Variants in ANKRD12 observed in about 807,000 individuals in gnomAD.
ANKRD12 encodes the protein ankyrin repeat domain-containing protein 12.
A neutral mutation model predicts 183.4 loss-of-function variants in ANKRD12; 85 were observed. The ratio of observed to expected loss-of-function variants is 0.46; its 90% CI spans 0.39 to 0.56. The LOEUF is 0.56. Among genes scored for constraint, ANKRD12 ranks in the 20% least tolerant of loss-of-function variants. The pLI, the probability that ANKRD12 is intolerant of heterozygous loss-of-function variation, is 0.00. For synonymous variants in ANKRD12, 914 were observed against 800.2 expected, an observed-to-expected ratio of 1.14 and a Z score of -2.40; for missense variants, 2,405 against 2,357.1, an observed-to-expected ratio of 1.02 and a Z score of -0.42.
intron 1 of ANKRD12, among the ~76,000 whole-genome samples, chr18:9,162,710 C>T (rs531324322): frequency 6.6e-6 from 1 of 152,254 alleles, no homozygotes; most frequent in South Asian, 2.1e-4. Context: ...ACCTCGCCAG[C>T]GTCTGTTTCT....
At chr18:9,263,013 G>A (rs1053039618) in intron 9 of ANKRD12, among the ~76,000 whole-genome samples, 1 of 151,552 alleles carries the variant, frequency 6.6e-6, no homozygotes, top group African/African-American at 2.4e-5. Flanking sequence ...AATCAGGCTG[G>A]TCTCGAACTA....
chr18:9,242,037 A>ATG, intron 8 of ANKRD12, among the ~76,000 whole-genome samples: 1 of 152,184 alleles, frequency 6.6e-6, no homozygotes, highest in African/African-American at 2.4e-5. Context: ...ACTTGCACAT[A>ATG]TGTATATATA....
chr18:9,256,521 G>A lies in ANKRD12; in HGVS notation c.3254G>A (p.Ser1085Asn), dbSNP rs764535812. Residue 1085 changes from serine (S) to asparagine (N), a missense_variant, in exon 9 of 13, where the codon AGC becomes AAC. By Grantham distance (46) the Ser-to-Asn change is conservative. Transcript: ENST00000262126. ...CAGACAAGTTTTGAACGAATGCTAA[G>A]CCTTAAAGACCTAGAAATAGAACAG... is the stretch of plus-strand genomic sequence containing the variant. ...LMQTSFERML[S>N]LKDLEIEQWH... 2 of 1,607,902 alleles carry A rather than the reference G, an allele frequency of 1.2e-6. No individual in the cohort carries two copies. Among genetic ancestry groups the A allele is most frequent in the South Asian group, 2.2e-5 (2 of 89,056 alleles).
chr18:9,203,597 A>G lies in ANKRD12; in HGVS notation c.236-879A>G, dbSNP rs369830543. 9.2e-3 allele frequency among the ~76,000 whole-genome samples: 1,332 copies of G among 144,368 alleles called. 28 individuals carry two copies. The highest frequency in any genetic ancestry group is 0.032 in the African/African-American group (1,231 of 38,344). The allele number at this position is 144,368 out of a possible 152,430, so 94.7% of individuals were successfully genotyped here. A position where few individuals can be genotyped will look rare whatever the true frequency, so the allele number is the denominator to read the frequency against. Reference sequence around the variant, plus strand: ...CATATATATATATGTGTGTGTGTGTATATATATTATTATTATTATTTTTTA... The same window carrying G: ...CATATATATATATGTGTGTGTGTGTGTATATATTATTATTATTATTTTTTA... On this transcript the variant is annotated intron_variant, in intron 3 of 12. Coordinates refer to ENST00000262126, the MANE Select transcript of ANKRD12 (RefSeq NM_015208.5).
chr18:9,208,723 G>C lies in ANKRD12; in HGVS notation c.371G>C (p.Ser124Thr). 2 of 1,610,958 alleles carry C rather than the reference G, an allele frequency of 1.2e-6. No individual in the cohort carries two copies. Among genetic ancestry groups the C allele is most frequent in the Non-Finnish European group, 1.7e-6 (2 of 1,178,366 alleles). ...GGAAATAAGAAATCCACACCAGTTA[G>C]CATTCTTTTTGGTTATCCACTCTCT... is the stretch of plus-strand genomic sequence containing the variant. Reference protein sequence around the residue: ...EAGNKKSTPVSILFGYPLSER... With the variant: ...EAGNKKSTPVTILFGYPLSER... Residue 124 changes from serine to threonine, a missense_variant, in exon 5 of 13, where the codon AGC (serine) becomes ACC (threonine). Transcript: ENST00000262126.
chr18:9,237,817 G>T (rs1456253327), intron 8 of ANKRD12, among the ~76,000 whole-genome samples: 4 of 152,112 alleles, frequency 2.6e-5, no homozygotes, highest in Non-Finnish European at 5.9e-5. Flanking sequence ...TGATGATTTG[G>T]ATGGATGGAA....
intron 7 of ANKRD12, among the ~76,000 whole-genome samples, chr18:9,218,403 A>G (rs1490542880): frequency 6.6e-6 from 1 of 152,214 alleles, no homozygotes; most frequent in Non-Finnish European, 1.5e-5. Context: ...AGGAGGAAGA[A>G]TGAGAGCCAC....
intron 10 of ANKRD12, among the ~76,000 whole-genome samples, chr18:9,269,832 C>T (rs1485519568): frequency 6.6e-6 from 1 of 152,176 alleles, no homozygotes; most frequent in Non-Finnish European, 1.5e-5. Flanking sequence ...AGTGAACAGG[C>T]AGCCTACAAA....
chr18:9,273,447 G>A (rs913053244), intron 10 of ANKRD12, among the ~76,000 whole-genome samples: 3 of 152,072 alleles, frequency 2.0e-5, no homozygotes, highest in Non-Finnish European at 2.9e-5. Context: ...ACCACTTCAC[G>A]CCCAGTAGAA....
Position 9,258,059 on chromosome 18 carries a change from A to T in ANKRD12, c.4792A>T (p.Thr1598Ser), listed in dbSNP as rs1339109343. ...EKDFNGSDAS[T>S]QLNTHYAFSK... ...GGACTTTAATGGAAGTGATGCCTCT[A>T]CCCAGCTAAATACACATTATGCATT... Residue 1598 changes from threonine (T) to serine (S), a missense_variant, in exon 9 of 13, where the codon ACC (threonine) becomes TCC (serine). Around this residue, in one of 7 missense-constraint regions of ANKRD12, gnomAD observed 1,983 missense variants for 1,725.9 expected, o/e 1.15. Transcript: ENST00000262126. 6.2e-7 allele frequency: 1 copy of T among 1,613,450 alleles called. No individual in the cohort carries two copies. Among genetic ancestry groups the T allele is most frequent in the Non-Finnish European group, 8.5e-7 (1 of 1,179,982 alleles).
At chr18:9,253,476 C>T (rs772225679) in intron 8 of ANKRD12, among the ~76,000 whole-genome samples, 19 of 152,276 alleles carry the variant, frequency 1.2e-4, no homozygotes, top group Non-Finnish European at 2.4e-4. Context: ...AAAGTACTGT[C>T]CTCCAGTTCC....
At chr18:9,244,472 A>G (rs760194888) in intron 8 of ANKRD12, among the ~76,000 whole-genome samples, 8 of 152,102 alleles carry the variant, frequency 5.3e-5, no homozygotes, top group African/African-American at 9.7e-5. Context: ...GATGTGTGCT[A>G]CTGTGCCCAG....
Position 9,198,381 on chromosome 18 carries a change from C to A in ANKRD12, c.235+2683C>A, listed in dbSNP as rs2034966050. ...AAGAAATACAATTTATGGTGAATGA[C>A]AAAATTGTTTTTGGTCTGAATCACC... On this transcript the variant is annotated intron_variant, in intron 3 of 12. Coordinates refer to ENST00000262126, the MANE Select transcript of ANKRD12 (RefSeq NM_015208.5). Among the ~76,000 whole-genome samples, 3 of 152,088 alleles carry A rather than the reference C, an allele frequency of 2.0e-5. No individual in the cohort carries two copies. In the South Asian group the frequency reaches 6.2e-4, roughly 32 times the overall value.
intron 10 of ANKRD12, among the ~76,000 whole-genome samples, chr18:9,266,922 A>T (rs1231799121): frequency 1.3e-5 from 2 of 152,216 alleles, no homozygotes; most frequent in Non-Finnish European, 2.9e-5. Context: ...ATGGAGGAAG[A>T]TCTATCAAGC....
chr18:9,257,043 A>G lies in ANKRD12; in HGVS notation c.3776A>G (p.His1259Arg), dbSNP rs2038675779. Residue 1259 changes from histidine to arginine, a missense_variant, in exon 9 of 13, where the codon CAT becomes CGT. Transcript: ENST00000262126. ...FLSIAKSPAL[H>R]ERELDSLADL... The stretch of plus-strand genomic sequence containing the variant: ...TCAATTGCCAAATCTCCTGCTCTTC[A>G]TGAAAGGGAATTGGACAGCCTGGCT... 1.9e-6 allele frequency: 3 copies of G among 1,614,108 alleles called. No homozygotes were observed. Among genetic ancestry groups the G allele is most frequent in the South Asian group, 1.1e-5 (1 of 91,086 alleles).
At chr18:9,184,250 T>A (rs1053919588) in intron 2 of ANKRD12, among the ~76,000 whole-genome samples, 19 of 152,330 alleles carry the variant, frequency 1.2e-4, no homozygotes, top group African/African-American at 4.1e-4. Flanking sequence ...ATTTACTGAT[T>A]TTGGTGTTCT....
intron 3 of ANKRD12, among the ~76,000 whole-genome samples, chr18:9,199,633 A>T (rs1425648950): frequency 6.6e-6 from 1 of 152,204 alleles, no homozygotes; most frequent in Non-Finnish European, 1.5e-5. Context: ...ATGATTATAT[A>T]AACTTTTTAA....
chr18:9,189,951 TA>T (rs2034348179), intron 2 of ANKRD12, among the ~76,000 whole-genome samples: 1 of 152,188 alleles, frequency 6.6e-6, no homozygotes, highest in African/African-American at 2.4e-5. Flanking sequence ...AAACAAGTCT[TA>T]TTAAAGAAGT....
chr18:9,190,365 T>G (rs2034374698), intron 2 of ANKRD12, among the ~76,000 whole-genome samples: 1 of 152,230 alleles, frequency 6.6e-6, no homozygotes, highest in Admixed American at 6.5e-5. Flanking sequence ...ATCTTTCTTA[T>G]GGATGAGCAA....
Sources: gnomAD v4.1 joint callset for allele counts (sites outside exome capture counted in the v4.1 genomes callset) on GRCh38, gnomAD v4.1.1 for gene constraint, gnomAD v4.1.1 regional missense constraint, MANE v1.5 for transcripts, NCBI Gene and HGNC (gene_info 2026-07-23, HGNC 2026-07-21) for gene names.